Variants in SULF1 observed in about 807,000 individuals in gnomAD.
SULF1 encodes sulfatase 1.
SULF1 carries 46 observed loss-of-function variants against 110.5 expected under a neutral mutation model. The observed-to-expected ratio is 0.42, with a 90% CI of 0.33 to 0.53. SULF1 has a LOEUF of 0.53. Among genes scored for constraint, SULF1 ranks in the 20% least tolerant of loss-of-function variants. The pLI is 0.12. For synonymous variants in SULF1, 371 were observed against 387.1 expected, an observed-to-expected ratio of 0.96 and a Z score of 0.49; for missense variants, 941 against 1,094.2, an observed-to-expected ratio of 0.86 and a Z score of 1.98.
intron 13 of SULF1, among the ~76,000 whole-genome samples, chr8:69,616,123 A>AATG (rs1554590147): frequency 1.4e-5 from 2 of 140,900 alleles, no homozygotes; most frequent in African/African-American, 5.4e-5. Flanking sequence ...GTGTATATAT[A>AATG]ATGTGTATAT....
intron 19 of SULF1, among the ~76,000 whole-genome samples, chr8:69,634,643 C>T (rs979323362): frequency 1.3e-5 from 2 of 151,962 alleles, no homozygotes; most frequent in South Asian, 2.1e-4. Context: ...TGCCTGTAGT[C>T]CCAGCTACTT....
intron 7 of SULF1, among the ~76,000 whole-genome samples, chr8:69,586,996 G>A (rs571740469): frequency 2.0e-5 from 3 of 152,262 alleles, no homozygotes; most frequent in South Asian, 4.1e-4. Context: ...CTTAGTATAC[G>A]TGACAAGGAC....
intron 1 of SULF1, among the ~76,000 whole-genome samples, chr8:69,477,221 T>A (rs1432483577): frequency 6.6e-6 from 1 of 152,186 alleles, no homozygotes; most frequent in African/African-American, 2.4e-5. Context: ...TGTTCTGTCA[T>A]ACAGAGTCAC....
At chr8:69,596,221 G>T (rs1471617961) in intron 8 of SULF1, among the ~76,000 whole-genome samples, 1 of 152,182 alleles carries the variant, frequency 6.6e-6, no homozygotes, top group Non-Finnish European at 1.5e-5. Context: ...GGGGGTATAA[G>T]GTCTGGAGTG....
intron 1 of SULF1, among the ~76,000 whole-genome samples, chr8:69,467,820 A>G (rs1407701070): frequency 1.3e-5 from 2 of 152,218 alleles, no homozygotes; most frequent in African/African-American, 4.8e-5. Context: ...TTAATTATAA[A>G]CTAGTCATTG....
intron 2 of SULF1, among the ~76,000 whole-genome samples, chr8:69,500,484 C>T (rs529810998): frequency 1.3e-5 from 2 of 152,324 alleles, no homozygotes; most frequent in South Asian, 4.1e-4. Flanking sequence ...TATTCTTTGA[C>T]ATCAGACTGT....
intron 11 of SULF1, 137 bp from the exon 12 acceptor site, chr8:69,603,463 T>G: frequency 7.1e-7 from 1 of 1,401,160 alleles, no homozygotes; most frequent in Non-Finnish European, 1.0e-6. Context: ...TCTCAGCTGC[T>G]TGTGAATAGC....
In SULF1 at chr8:69,650,140, C is replaced by T. The variant is rs148561413; in HGVS notation, c.2586-8365C>T. ...CCTCCCAAGTAGCTGGGATTACAGG[C>T]GCATGCCACCACACTCAGCTAATTT... On this transcript the variant is annotated intron_variant, in intron 22 of 22. Transcript: ENST00000402687. Among the ~76,000 whole-genome samples, 412 of 151,456 alleles carry T rather than the reference C, an allele frequency of 2.7e-3. 2 individuals carry two copies. Among genetic ancestry groups the T allele is most frequent in the African/African-American group, 9.5e-3 (394 of 41,292 alleles).
In SULF1 at chr8:69,492,889, G is replaced by A. The variant is rs1385234507; in HGVS notation, c.-627G>A. The A allele has an allele frequency of 6.6e-6, 1 of 152,618 alleles. No individual in the cohort carries two copies. The highest frequency in any genetic ancestry group is 1.5e-5 in the Non-Finnish European group (1 of 68,174). The allele number at this position is 152,618 out of a possible 1,614,324, so 9.5% of individuals were successfully genotyped here. A position where few individuals can be genotyped will look rare whatever the true frequency, so the allele number is the denominator to read the frequency against. ...AATCTTGGGGCCGGTGTCGGGCCGG[G>A]GCGGCTTGATCGGCAACTAGGAAAC... On this transcript the variant is annotated 5_prime_UTR_variant, in exon 1 of 23. Transcript: ENST00000402687.
At chr8:69,480,234 G>C (rs1295717762) in intron 1 of SULF1, among the ~76,000 whole-genome samples, 1 of 152,148 alleles carries the variant, frequency 6.6e-6, no homozygotes, top group Admixed American at 6.5e-5. Context: ...TAAACCACTG[G>C]AACTTGTAAT....
chr8:69,627,625 AT>A, intron 16 of SULF1, 146 bp from the exon 17 acceptor site: 1 of 679,186 alleles, frequency 1.5e-6, no homozygotes, highest in Non-Finnish European at 2.6e-6. Context: ...ATATAGACAT[AT>A]TCTATGCCCA....
intron 9 of SULF1, 100 bp downstream of exon 9, chr8:69,600,853 C>T: frequency 1.5e-6 from 2 of 1,306,710 alleles, no homozygotes; most frequent in Non-Finnish European, 1.1e-6. Flanking sequence ...CTTCATTTTC[C>T]AGCATCATTT....
chr8:69,490,929 A>C (rs1235858235), upstream of SULF1, among the ~76,000 whole-genome samples: 4 of 152,212 alleles, frequency 2.6e-5, no homozygotes, highest in Admixed American at 1.3e-4. Context: ...AAAATGAGAG[A>C]TGATCCTACA....
intron 3 of SULF1, among the ~76,000 whole-genome samples, chr8:69,540,019 C>G (rs1813755884): frequency 1.3e-5 from 2 of 152,224 alleles, no homozygotes; most frequent in South Asian, 4.1e-4. Context: ...TTACAGTGAT[C>G]TGGAAAAGTA....
At chr8:69,526,288 C>T (rs1812655692) in intron 3 of SULF1, among the ~76,000 whole-genome samples, 1 of 151,980 alleles carries the variant, frequency 6.6e-6, no homozygotes, top group African/African-American at 2.4e-5. Context: ...TCTCCCAAGG[C>T]CGTTAGCTGT....
At chr8:69,487,240 G>A (rs1809749195) in intron 1 of SULF1, among the ~76,000 whole-genome samples, 1 of 152,108 alleles carries the variant, frequency 6.6e-6, no homozygotes, top group Admixed American at 6.5e-5. Context: ...TTATTGCTAA[G>A]GATAAATGAT....
At chr8:69,504,681 CT>C (rs552470799) in intron 3 of SULF1, among the ~76,000 whole-genome samples, 3 of 152,000 alleles carry the variant, frequency 2.0e-5, no homozygotes, top group African/African-American at 4.8e-5. Flanking sequence ...CTTCAATCTA[CT>C]TTTTTTTAAT....
chr8:69,630,907 T>C (rs186231418), intron 19 of SULF1, among the ~76,000 whole-genome samples: 85 of 152,212 alleles, frequency 5.6e-4, no homozygotes, highest in African/African-American at 1.9e-3. Context: ...CATGCTGGTG[T>C]GCTGCACCCA....
intron 8 of SULF1, among the ~76,000 whole-genome samples, chr8:69,591,430 G>C (rs1586490454): frequency 6.6e-6 from 1 of 151,968 alleles, no homozygotes; most frequent in Non-Finnish European, 1.5e-5. Flanking sequence ...CAGGCGTGGT[G>C]GTGGGCACCT....
Sources: allele counts gnomAD v4.1 joint callset (sites outside exome capture counted in the v4.1 genomes callset), GRCh38; gene constraint gnomAD v4.1.1; transcripts MANE v1.5; gene names NCBI Gene and HGNC (gene_info 2026-07-23, HGNC 2026-07-21).